RBM41: variants seen among roughly 807,000 people sequenced by gnomAD.
The protein encoded by RBM41 is RNA-binding protein 41.
In RBM41, 14 loss-of-function variants were observed where a neutral mutation model predicts 30.8. The observed-to-expected ratio is 0.45, with a 90% CI of 0.30 to 0.71. RBM41 has a LOEUF of 0.71. Among genes scored for constraint, RBM41 ranks in the 30% least tolerant of loss-of-function variants. The pLI is 0.08. For missense variants in RBM41, 276 were observed against 326.3 expected, an observed-to-expected ratio of 0.85 and a Z score of 1.19; for synonymous variants, 120 against 110.1, an observed-to-expected ratio of 1.09 and a Z score of -0.56.
the RBM41 span, among the ~76,000 whole-genome samples, chrX:107,053,022 T>C: frequency 8.9e-6 from 1 of 112,173 alleles, no homozygotes; most frequent in Non-Finnish European, 1.9e-5. Context: ...GGGAGTTAAG[T>C]TGATCTTGCA....
chrX:107,080,743 C>T lies in RBM41; in HGVS notation c.999+7693G>A, dbSNP rs374122906. ...AGCGATTCGAGTAGGTGTGTAGTGG[C>T]ACTTCTCATTTTTCAATTCTCTGAT... On this transcript the variant is annotated intron_variant, in intron 6 of 7. Transcript: ENST00000685964. Among the ~76,000 whole-genome samples the T allele has an allele frequency of 1.2e-4, 14 of 112,085 alleles. No individual in the cohort carries two copies. The East Asian group carries it at 2.2e-3, about 18-fold the overall frequency.
chrX:107,073,727 T>A (rs959745141), intron 6 of RBM41, among the ~76,000 whole-genome samples: 1 of 112,114 alleles, frequency 8.9e-6, no homozygotes, highest in Non-Finnish European at 1.9e-5. Flanking sequence ...AGCCAAGATA[T>A]GAAGTTAACC....
intron 4 of RBM41, chrX:107,114,414 A>C (rs1178850581): frequency 8.9e-6 from 1 of 112,045 alleles, no homozygotes; most frequent in Non-Finnish European, 1.9e-5. Context: ...ACTCTGTATA[A>C]GTCTATACTA....
At chrX:107,115,787 A>G in intron 3 of RBM41, 75 bp downstream of exon 3, 1 of 1,069,856 alleles carries the variant, frequency 9.3e-7, no homozygotes, top group East Asian at 3.1e-5. Context: ...AAAGGCTCTC[A>G]GTGCTAAAAT....
chrX:107,077,385 G>A (rs1309186910), intron 6 of RBM41, among the ~76,000 whole-genome samples: 1 of 110,874 alleles, frequency 9.0e-6, no homozygotes, highest in East Asian at 2.8e-4. Flanking sequence ...CACCCGCCTC[G>A]GCCTCCCAAA....
chrX:107,106,932 A>C (rs1391617388), intron 5 of RBM41, among the ~76,000 whole-genome samples: 1 of 108,263 alleles, frequency 9.2e-6, no homozygotes, highest in Non-Finnish European at 1.9e-5. Context: ...TGACGAGTTA[A>C]TGGGTGCAGT....
intron 1 of RBM41, among the ~76,000 whole-genome samples, chrX:107,117,101 A>C (rs2054051906): frequency 8.9e-6 from 1 of 111,934 alleles, no homozygotes; most frequent in African/African-American, 3.3e-5. Context: ...AACACATAGA[A>C]GCATATGCCA....
chrX:107,081,818 G>A (rs1921547661), intron 6 of RBM41, among the ~76,000 whole-genome samples: 1 of 111,554 alleles, frequency 9.0e-6, no homozygotes, highest in Non-Finnish European at 1.9e-5. Context: ...TTCATTTCTG[G>A]TATAGAGGAA....
Position 107,116,740 on chromosome X carries a change from T to A in RBM41, c.35A>T (p.Glu12Val), listed in dbSNP as rs35954586. The change falls in exon 2 of 8, where the codon GAG (glutamate) becomes GTG (valine). Residue 12 changes from glutamate (E) to valine (V), a missense_variant. By Grantham distance (121) the Glu-to-Val change is moderately radical. Coordinates refer to ENST00000685964, the MANE Select transcript of RBM41 (RefSeq NM_001324242.2). Reference protein sequence around the residue: ...KRVNSCVKSDEHVLEELETEG... With the variant: ...KRVNSCVKSDVHVLEELETEG... ...TGTTTCCAGCTCCTCCAGGACATGC[T>A]CATCACTCTTCACACAGCTGTTTAC... is the stretch of plus-strand genomic sequence containing the variant. 279 of 1,209,093 alleles carry A rather than the reference T, an allele frequency of 2.3e-4. No homozygotes were observed. The African/African-American group carries it at 4.6e-3, about 20-fold the overall frequency.
rs1392370183 is a variant in RBM41 at position 107,065,560 on chromosome X, A to G, written c.*1967T>C. On this transcript the variant is annotated 3_prime_UTR_variant, in exon 8 of 8. Coordinates refer to ENST00000685964, the MANE Select transcript of RBM41 (RefSeq NM_001324242.2). ...TATTCCTATACATTACAAACCCAAC[A>G]CACATTATTATAATTACTTAATATA... 1 of 342,798 alleles carries G rather than the reference A, an allele frequency of 2.9e-6. No homozygotes were observed. The highest frequency in any genetic ancestry group is 2.7e-5 in the African/African-American group (1 of 37,453). 28.3% of individuals were successfully genotyped at this position (342,798 alleles called of 1,213,427 possible). A position where few individuals can be genotyped will look rare whatever the true frequency, so the allele number is the denominator to read the frequency against.
intron 5 of RBM41, among the ~76,000 whole-genome samples, chrX:107,093,487 A>T (rs147868240): frequency 6.2e-5 from 7 of 112,278 alleles, no homozygotes; most frequent in African/African-American, 2.3e-4. Flanking sequence ...CTTCTAAATA[A>T]CCCATGGGTC....
In RBM41 at chrX:107,115,542, C is replaced by T. The variant is rs763786758; in HGVS notation, c.333G>A (p.Arg111=). Residue 111 remains arginine, a synonymous_variant, in exon 4 of 8, where the codon AGG becomes AGA. Transcript: ENST00000685964. ...GGTTCTGTATTGCTTCAGGAGTTGC[C>T]CTCAGTTTTGTCTTCTGAAACCAGA... ...HVSGEKKTKL[R]ATPEAIQNRL... 12 of 1,206,423 alleles carry T rather than the reference C, an allele frequency of 9.9e-6. No individual in the cohort carries two copies. In the Admixed American group the frequency reaches 2.6e-4, roughly 26 times the overall value.
In RBM41 at chrX:107,062,652, T is replaced by A. The variant is rs1250881826; in HGVS notation, c.*4875A>T. Among the ~76,000 whole-genome samples, 1 of 108,623 alleles carries A rather than the reference T, an allele frequency of 9.2e-6. No homozygotes were observed. Among genetic ancestry groups the A allele is most frequent in the Non-Finnish European group, 1.9e-5 (1 of 52,382 alleles). 94.3% of individuals were successfully genotyped at this position (108,623 alleles called of 115,157 possible). On this transcript the variant is annotated 3_prime_UTR_variant, in exon 8 of 8. Transcript: ENST00000685964. Reference sequence around the variant, plus strand: ...AAAATTTTTTAGTTAAAAAAAAAAATGAAAAAAGTAAAAATCACCCCAAAA... The same window carrying A: ...AAAATTTTTTAGTTAAAAAAAAAAAAGAAAAAAGTAAAAATCACCCCAAAA...
intron 5 of RBM41, among the ~76,000 whole-genome samples, chrX:107,110,439 G>A (rs1017461185): frequency 9.0e-6 from 1 of 111,122 alleles, no homozygotes; most frequent in African/African-American, 3.3e-5. Context: ...GTTGCTGAAA[G>A]GAATTAAACA....
chrX:107,080,056 T>C (rs1021859090), intron 6 of RBM41, among the ~76,000 whole-genome samples: 1 of 111,848 alleles, frequency 8.9e-6, no homozygotes, highest in Non-Finnish European at 1.9e-5. Flanking sequence ...TTCCGGTTTT[T>C]GGCAATTATG....
the RBM41 span, among the ~76,000 whole-genome samples, chrX:107,054,370 T>C: frequency 1.4e-4 from 16 of 111,631 alleles, no homozygotes; most frequent in Non-Finnish European, 3.0e-4. Flanking sequence ...TGCAAGCTCA[T>C]CCTTCGGACC....
intron 6 of RBM41, among the ~76,000 whole-genome samples, chrX:107,075,966 A>T (rs1936209537): frequency 8.9e-6 from 1 of 111,948 alleles, no homozygotes; most frequent in South Asian, 3.7e-4. Flanking sequence ...AATAGTCAAC[A>T]GGTGGAAAAA....
At chrX:107,107,686 CAA>C (rs1255158592) in intron 5 of RBM41, among the ~76,000 whole-genome samples, 4 of 111,070 alleles carry the variant, frequency 3.6e-5, no homozygotes, top group Non-Finnish European at 7.6e-5. Context: ...GACAAGGAAG[CAA>C]AGAGAATGAT....
chrX:107,055,515 A>G, the RBM41 span, among the ~76,000 whole-genome samples: 39 of 111,476 alleles, frequency 3.5e-4, no homozygotes, highest in South Asian at 7.6e-4. Flanking sequence ...TAGTAAAGAC[A>G]GGGTTTCATC....
Sources: gnomAD v4.1 joint callset for allele counts (sites outside exome capture counted in the v4.1 genomes callset) on GRCh38, gnomAD v4.1.1 for gene constraint, MANE v1.5 for transcripts, NCBI Gene and HGNC (gene_info 2026-07-23, HGNC 2026-07-21) for gene names.